ENOX1: variants seen among roughly 807,000 people sequenced by gnomAD.
The protein encoded by ENOX1 is ecto-NOX disulfide-thiol exchanger 1.
A neutral mutation model predicts 82.5 loss-of-function variants in ENOX1; 42 were observed. The observed-to-expected ratio is 0.51, with a 90% CI of 0.40 to 0.66. The LOEUF is 0.66. Among genes scored for constraint, ENOX1 ranks in the 30% least tolerant of loss-of-function variants. The pLI is 0.00. For synonymous variants in ENOX1, 271 were observed against 282.2 expected, an observed-to-expected ratio of 0.96 and a Z score of 0.40; for missense variants, 608 against 811.6, an observed-to-expected ratio of 0.75 and a Z score of 3.05.
chr13:43,727,510 C>T (rs1164743953), intron 1 of ENOX1, among the ~76,000 whole-genome samples: 3 of 152,152 alleles, frequency 2.0e-5, no homozygotes, highest in East Asian at 3.9e-4. Flanking sequence ...TTCCTGCTGT[C>T]AGTTGGCTTT....
At chr13:43,297,359 T>A (rs1049851691) in intron 12 of ENOX1, among the ~76,000 whole-genome samples, 6 of 152,214 alleles carry the variant, frequency 3.9e-5, no homozygotes, top group African/African-American at 1.4e-4. Flanking sequence ...TTAAAAAAAA[T>A]TGACTCTATA....
At chr13:43,470,299 TATATATACATATATATACAC>T (rs1246034336) in intron 3 of ENOX1, among the ~76,000 whole-genome samples, 6 of 49,092 alleles carry the variant, frequency 1.2e-4, no homozygotes, top group Non-Finnish European at 1.8e-4. Flanking sequence ...TATATACACA[TATATATACATATATATACAC>T]ATATATATAT....
intron 8 of ENOX1, among the ~76,000 whole-genome samples, chr13:43,351,899 C>T (rs867572308): frequency 2.1e-4 from 32 of 152,030 alleles, no homozygotes; most frequent in African/African-American, 6.0e-4. Flanking sequence ...CTAAATAAAA[C>T]GGCCTATCTT....
intron 1 of ENOX1, among the ~76,000 whole-genome samples, chr13:43,673,175 G>GTATATA (rs58874702): frequency 0.024 from 3,556 of 148,868 alleles, 128 homozygotes; most frequent in East Asian, 0.18. Context: ...TTGCATGTGT[G>GTATATA]TATATATATA....
intron 1 of ENOX1, among the ~76,000 whole-genome samples, chr13:43,750,658 C>T (rs1469682362): frequency 6.6e-6 from 1 of 152,120 alleles, no homozygotes; most frequent in Non-Finnish European, 1.5e-5. Context: ...TGACAGATGT[C>T]CCCTCTACAT....
At chr13:43,286,263 G>A (rs2045697909) in intron 12 of ENOX1, among the ~76,000 whole-genome samples, 1 of 152,200 alleles carries the variant, frequency 6.6e-6, no homozygotes. Context: ...GTATATGTCT[G>A]CAGCAAAAGT....
At chr13:43,593,642 C>G (rs543004734) in intron 2 of ENOX1, among the ~76,000 whole-genome samples, 1 of 137,168 alleles carries the variant, frequency 7.3e-6, no homozygotes. Flanking sequence ...TCTATTCCCC[C>G]ACCCCCACCC....
chr13:43,610,151 A>G (rs2082137036), intron 2 of ENOX1, among the ~76,000 whole-genome samples: 1 of 152,220 alleles, frequency 6.6e-6, no homozygotes, highest in African/African-American at 2.4e-5. Flanking sequence ...TGCCCTGGCC[A>G]TCAGGATAGG....
chr13:43,567,051 T>C (rs1327096433), intron 2 of ENOX1, among the ~76,000 whole-genome samples: 1 of 152,164 alleles, frequency 6.6e-6, no homozygotes, highest in Non-Finnish European at 1.5e-5. Flanking sequence ...AATCAATTTG[T>C]TTATTCATAA....
intron 3 of ENOX1, among the ~76,000 whole-genome samples, chr13:43,425,815 T>G (rs1566189175): frequency 6.6e-6 from 1 of 152,248 alleles, no homozygotes; most frequent in South Asian, 2.1e-4. Flanking sequence ...AAAGTCATTA[T>G]AGTTGAAAAC....
At chr13:43,778,446 C>T (rs1340452721) in intron 1 of ENOX1, among the ~76,000 whole-genome samples, 1 of 152,166 alleles carries the variant, frequency 6.6e-6, no homozygotes, top group Non-Finnish European at 1.5e-5. Context: ...CACTCATTCA[C>T]TTAGCTAAAA....
intron 2 of ENOX1, among the ~76,000 whole-genome samples, chr13:43,634,568 G>A (rs1230765230): frequency 1.3e-5 from 2 of 152,176 alleles, no homozygotes; most frequent in Admixed American, 6.5e-5. Flanking sequence ...CACAGGAGAC[G>A]GCTGCCCAGG....
chr13:43,772,899 A>T (rs1382492554), intron 1 of ENOX1, among the ~76,000 whole-genome samples: 1 of 152,204 alleles, frequency 6.6e-6, no homozygotes, highest in Non-Finnish European at 1.5e-5. Flanking sequence ...TAATTTTAAA[A>T]ACAACCTAGA....
intron 1 of ENOX1, among the ~76,000 whole-genome samples, chr13:43,713,723 G>C (rs865930360): frequency 6.6e-6 from 1 of 151,572 alleles, no homozygotes; most frequent in Non-Finnish European, 1.5e-5. Flanking sequence ...AGTATTCTCT[G>C]ATGGTAGTTT....
intron 8 of ENOX1, among the ~76,000 whole-genome samples, chr13:43,355,015 T>A (rs958832873): frequency 1.3e-5 from 2 of 152,236 alleles, no homozygotes; most frequent in Non-Finnish European, 2.9e-5. Flanking sequence ...TGACTTGGTA[T>A]TACAGTTAAT....
At chr13:43,357,901 C>G (rs552776109) in intron 7 of ENOX1, among the ~76,000 whole-genome samples, 13 of 152,166 alleles carry the variant, frequency 8.5e-5, no homozygotes, top group Non-Finnish European at 1.9e-4. Flanking sequence ...TCCTGCCTTT[C>G]CAGTTAATTG....
At chr13:43,329,296 T>C (rs995766150) in intron 9 of ENOX1, among the ~76,000 whole-genome samples, 3 of 152,086 alleles carry the variant, frequency 2.0e-5, no homozygotes, top group African/African-American at 7.2e-5. Context: ...AGGAATGAAT[T>C]AAGGCAGAGG....
chr13:43,481,296 C>T lies in ENOX1; in HGVS notation c.-75+2713G>A, dbSNP rs190242738. On this transcript the variant is annotated intron_variant, in intron 3 of 16. Transcript: ENST00000690772. Reference sequence around the variant, plus strand: ...CTACAATAGTCAGAATGGCATGGTACTGACATAAAGGCAGATATATGGACC... The same window carrying T: ...CTACAATAGTCAGAATGGCATGGTATTGACATAAAGGCAGATATATGGACC... Among the ~76,000 whole-genome samples, 10 of 152,082 alleles carry T rather than the reference C, an allele frequency of 6.6e-5. No individual in the cohort carries two copies. The East Asian group carries it at 1.9e-3, about 29-fold the overall frequency.
chr13:43,222,610 A>G (rs1051959115), intron 16 of ENOX1, among the ~76,000 whole-genome samples: 2 of 152,216 alleles, frequency 1.3e-5, no homozygotes, highest in African/African-American at 4.8e-5. Flanking sequence ...CAACAGTACA[A>G]GGGAAGGATG....
Sources: gnomAD v4.1 joint callset for allele counts (sites outside exome capture counted in the v4.1 genomes callset) on GRCh38, gnomAD v4.1.1 for gene constraint, MANE v1.5 for transcripts, NCBI Gene and HGNC (gene_info 2026-07-23, HGNC 2026-07-21) for gene names.